MACROD2: variants seen among roughly 807,000 people sequenced by gnomAD.
The protein encoded by MACROD2 is ADP-ribose glycohydrolase MACROD2.
A neutral mutation model predicts 70.4 loss-of-function variants in MACROD2; 36 were observed. The ratio of observed to expected loss-of-function variants is 0.51; its 90% CI spans 0.39 to 0.68. The LOEUF (loss-of-function observed/expected upper bound fraction) is 0.68, where lower values mean the gene tolerates loss of function less well. MACROD2 is among the 30% of genes least tolerant of loss of function. MACROD2 has a pLI of 0.00. For synonymous variants in MACROD2, 172 were observed against 178.8 expected, an observed-to-expected ratio of 0.96 and a Z score of 0.30; for missense variants, 496 against 538.4, an observed-to-expected ratio of 0.92 and a Z score of 0.78.
intron 5 of MACROD2, among the ~76,000 whole-genome samples, chr20:14,864,811 TAAG>T (rs1307266774): frequency 1.3e-5 from 2 of 152,126 alleles, no homozygotes; most frequent in Non-Finnish European, 1.5e-5. Flanking sequence ...AGTAGTATGT[TAAG>T]AAGGTTTCTA....
At chr20:14,478,799 A>G (rs1333523428) in intron 3 of MACROD2, among the ~76,000 whole-genome samples, 1 of 152,166 alleles carries the variant, frequency 6.6e-6, no homozygotes, top group Non-Finnish European at 1.5e-5. Context: ...TTTAGTGGGC[A>G]GTAGTTCTAA....
At chr20:14,942,102 A>T (rs2074395477) in intron 5 of MACROD2, among the ~76,000 whole-genome samples, 1 of 151,948 alleles carries the variant, frequency 6.6e-6, no homozygotes, top group African/African-American at 2.4e-5. Flanking sequence ...CCCAGCCAAC[A>T]TTCTGATCTT....
chr20:15,144,060 G>T (rs988024758), intron 5 of MACROD2, among the ~76,000 whole-genome samples: 4 of 150,584 alleles, frequency 2.7e-5, no homozygotes, highest in Non-Finnish European at 5.9e-5. Flanking sequence ...CGTGGGCCGC[G>T]GGTTGGACGG....
chr20:14,968,207 AT>A (rs2074656299), intron 5 of MACROD2, among the ~76,000 whole-genome samples: 1 of 152,134 alleles, frequency 6.6e-6, no homozygotes, highest in African/African-American at 2.4e-5. Flanking sequence ...CTTCAAAAGC[AT>A]TTTTTTAAAT....
intron 5 of MACROD2, among the ~76,000 whole-genome samples, chr20:15,156,079 A>G (rs939128012): frequency 6.6e-6 from 1 of 152,186 alleles, no homozygotes; most frequent in African/African-American, 2.4e-5. Flanking sequence ...ACACAGGTGC[A>G]ATAAGGTCCA....
chr20:14,116,287 C>G (rs2054512671), intron 3 of MACROD2, among the ~76,000 whole-genome samples: 1 of 152,204 alleles, frequency 6.6e-6, no homozygotes, highest in Non-Finnish European at 1.5e-5. Context: ...ATTCTTCTCA[C>G]TATGGTGATT....
intron 6 of MACROD2, among the ~76,000 whole-genome samples, chr20:15,362,797 A>G (rs185010866): frequency 1.3e-5 from 2 of 152,288 alleles, no homozygotes; most frequent in East Asian, 3.9e-4. Context: ...TCATTCTTGC[A>G]TAATAAACAA....
intron 5 of MACROD2, among the ~76,000 whole-genome samples, chr20:14,867,486 C>T (rs543273283): frequency 1.7e-4 from 26 of 152,176 alleles, no homozygotes; most frequent in African/African-American, 6.0e-4. Context: ...TTCTAATAAA[C>T]ATTATTCCTA....
chr20:14,865,330 G>A (rs914548184), intron 5 of MACROD2, among the ~76,000 whole-genome samples: 1 of 151,992 alleles, frequency 6.6e-6, no homozygotes, highest in Non-Finnish European at 1.5e-5. Context: ...TACCTCTTCT[G>A]TGTGCCCTTT....
At chr20:14,036,066 C>T (rs987273157) in intron 2 of MACROD2, among the ~76,000 whole-genome samples, 4 of 151,808 alleles carry the variant, frequency 2.6e-5, no homozygotes, top group African/African-American at 4.8e-5. Flanking sequence ...GGCGTGAATC[C>T]AGGAGGTGGA....
intron 5 of MACROD2, among the ~76,000 whole-genome samples, chr20:14,974,351 G>A (rs2074718762): frequency 6.6e-6 from 1 of 152,180 alleles, no homozygotes; most frequent in Admixed American, 6.5e-5. Flanking sequence ...TCACCATAAA[G>A]TTGGTGGTGC....
chr20:15,291,720 G>GA (rs1312996740), intron 6 of MACROD2, among the ~76,000 whole-genome samples: 5 of 151,996 alleles, frequency 3.3e-5, no homozygotes, highest in African/African-American at 7.3e-5. Flanking sequence ...CTAAAAAAGG[G>GA]AAAAAATTGT....
At chr20:15,700,302 A>C (rs1023900409) in intron 8 of MACROD2, among the ~76,000 whole-genome samples, 2 of 152,176 alleles carry the variant, frequency 1.3e-5, no homozygotes, top group South Asian at 4.1e-4. Context: ...AGCAACCCAA[A>C]GGAGCTGAGA....
At chr20:15,861,489 C>A (rs555089921) in intron 8 of MACROD2, among the ~76,000 whole-genome samples, 1 of 152,272 alleles carries the variant, frequency 6.6e-6, no homozygotes, top group Non-Finnish European at 1.5e-5. Context: ...TGTTTGTACT[C>A]TAGTTGTTCC....
At chr20:16,038,442 C>T (rs1262420068) in intron 15 of MACROD2, among the ~76,000 whole-genome samples, 1 of 151,484 alleles carries the variant, frequency 6.6e-6, no homozygotes, top group Non-Finnish European at 1.5e-5. Flanking sequence ...TATCTTTTTC[C>T]GACCTAGCTT....
Position 15,278,375 on chromosome 20 carries a change from C to T in MACROD2, c.540+48314C>T, listed in dbSNP as rs951730910. On this transcript the variant is annotated intron_variant, in intron 6 of 17. Transcript: ENST00000684519. ...GGAGAGGCAAATGGCTGTTTCCTGT[C>T]TTGACAGATCAGATAGAAAAGTGAA... Among the ~76,000 whole-genome samples, 3 of 152,258 alleles carry T rather than the reference C, an allele frequency of 2.0e-5. No individual in the cohort carries two copies. In the South Asian group the frequency reaches 6.2e-4, roughly 32 times the overall value.
intron 3 of MACROD2, among the ~76,000 whole-genome samples, chr20:14,459,731 T>C (rs1182731704): frequency 6.6e-6 from 1 of 152,098 alleles, no homozygotes; most frequent in Non-Finnish European, 1.5e-5. Context: ...TTCTGATAGA[T>C]TTGTTAAATT....
chr20:15,905,518 C>T (rs1424784156), intron 10 of MACROD2, among the ~76,000 whole-genome samples: 1 of 152,162 alleles, frequency 6.6e-6, no homozygotes, highest in Non-Finnish European at 1.5e-5. Context: ...TTGTTGAAAA[C>T]TCAGTCCCCG....
intron 5 of MACROD2, among the ~76,000 whole-genome samples, chr20:14,831,014 T>C (rs2072959177): frequency 6.6e-6 from 1 of 152,132 alleles, no homozygotes; most frequent in African/African-American, 2.4e-5. Flanking sequence ...GGTTACTGTT[T>C]CTGCACATTT....
Sources: gnomAD v4.1 joint callset for allele counts (sites outside exome capture counted in the v4.1 genomes callset) on GRCh38, gnomAD v4.1.1 for gene constraint, MANE v1.5 for transcripts, NCBI Gene and HGNC (gene_info 2026-07-23, HGNC 2026-07-21) for gene names.